The following MED13L variants were observed in gnomAD, a reference collection of about 807,000 sequenced individuals.
The protein encoded by MED13L is mediator of RNA polymerase II transcription subunit 13-like.
In MED13L, 7 loss-of-function variants were observed where a neutral mutation model predicts 220.9. The observed-to-expected ratio is 0.03, with a 90% confidence interval of 0.02 to 0.06. The LOEUF (loss-of-function observed/expected upper bound fraction) is 0.06, where lower values mean the gene tolerates loss of function less well. Among genes scored for constraint, MED13L ranks in the 10% least tolerant of loss-of-function variants. The pLI is 1.00. For synonymous variants in MED13L, 1,011 were observed against 1,015.2 expected, an observed-to-expected ratio of 1.00 and a Z score of 0.08; for missense variants, 1,965 against 2,760.5, an observed-to-expected ratio of 0.71 and a Z score of 6.46.
intron 23 of MED13L, among the ~76,000 whole-genome samples, chr12:115,980,150 A>G (rs762153125): frequency 3.3e-5 from 5 of 152,208 alleles, no homozygotes; most frequent in Non-Finnish European, 5.9e-5. Flanking sequence ...GCTTAGAAAA[A>G]TAAAGAAAAT....
chr12:115,982,697 C>A, intron 21 of MED13L, 94 bp from the exon 22 acceptor site: 1 of 1,088,584 alleles, frequency 9.2e-7, no homozygotes, highest in Non-Finnish European at 1.4e-6. Flanking sequence ...ACACAGGCTC[C>A]CTAAAGAATG....
chr12:116,243,007 G>A (rs1347453736), intron 1 of MED13L, among the ~76,000 whole-genome samples: 1 of 152,168 alleles, frequency 6.6e-6, no homozygotes, highest in African/African-American at 2.4e-5. Flanking sequence ...TCTTTCTTTA[G>A]TCTTCCTGAG....
chr12:116,254,634 C>T (rs904302178), intron 1 of MED13L, among the ~76,000 whole-genome samples: 1 of 151,790 alleles, frequency 6.6e-6, no homozygotes, highest in African/African-American at 2.4e-5. Context: ...ACCTGTAATC[C>T]CAGCTACCAT....
intron 1 of MED13L, among the ~76,000 whole-genome samples, chr12:116,252,785 G>C (rs1018115664): frequency 4.6e-5 from 7 of 151,900 alleles, no homozygotes; most frequent in Non-Finnish European, 7.4e-5. Flanking sequence ...GGAAAGAACA[G>C]ACACACTACC....
At chr12:116,136,497 C>T (rs1360174354) in intron 2 of MED13L, among the ~76,000 whole-genome samples, 1 of 151,946 alleles carries the variant, frequency 6.6e-6, no homozygotes, top group East Asian at 1.9e-4. Context: ...GCATTCACGC[C>T]AAATGAAGCC....
intron 4 of MED13L, among the ~76,000 whole-genome samples, chr12:116,075,669 A>G (rs7962136): frequency 0.13 from 19,910 of 152,164 alleles, 1,723 homozygotes; most frequent in Non-Finnish European, 0.19. Flanking sequence ...TGCCATTTCA[A>G]TTTGTCTTTG....
At chr12:116,230,408 TA>T in intron 2 of MED13L, 39 of 866,896 alleles carry the variant, frequency 4.5e-5, no homozygotes, top group Non-Finnish European at 5.0e-5. Context: ...TCAACAACAA[TA>T]AAAAAAAGTA....
At chr12:116,110,090 AT>A (rs1873949948) in intron 3 of MED13L, 2 of 152,306 alleles carry the variant, frequency 1.3e-5, no homozygotes, top group Admixed American at 1.3e-4. Context: ...AGTTTTTCTC[AT>A]ACAAGCTCTT....
At chr12:116,184,874 T>C (rs1880772330) in intron 2 of MED13L, among the ~76,000 whole-genome samples, 1 of 152,214 alleles carries the variant, frequency 6.6e-6, no homozygotes. Context: ...CAAATATTTA[T>C]GACCTATGCC....
intron 1 of MED13L, among the ~76,000 whole-genome samples, chr12:116,253,743 G>GGTTTTTTTC (rs1565951335): frequency 1.4e-5 from 2 of 140,488 alleles, no homozygotes; most frequent in African/African-American, 5.4e-5. Flanking sequence ...CCACCTTCAC[G>GGTTTTTTTC]GTTTTTTTTG....
At chr12:116,208,202 C>A (rs1319943578) in intron 2 of MED13L, among the ~76,000 whole-genome samples, 1 of 152,154 alleles carries the variant, frequency 6.6e-6, no homozygotes, top group African/African-American at 2.4e-5. Context: ...TGAGACCAGC[C>A]TGGCTAACAC....
At chr12:116,006,247 T>C in intron 12 of MED13L, 59 bp downstream of exon 12, 2 of 1,447,542 alleles carry the variant, frequency 1.4e-6, no homozygotes, top group Admixed American at 3.4e-5. Context: ...TTGAGAAGCA[T>C]CTCCTTTGCA....
chr12:115,964,045 C>A (rs1875963356), intron 29 of MED13L, among the ~76,000 whole-genome samples: 1 of 152,032 alleles, frequency 6.6e-6, no homozygotes, highest in African/African-American at 2.4e-5. Flanking sequence ...TGTGATTGCA[C>A]CACTGTGCTC....
At chr12:116,125,298 C>T (rs571849961) in intron 2 of MED13L, among the ~76,000 whole-genome samples, 72 of 152,236 alleles carry the variant, frequency 4.7e-4, no homozygotes, top group Admixed American at 2.0e-3. Flanking sequence ...AGTGTGATCC[C>T]ATCTCAATCA....
At chr12:116,276,512 C>A (rs1341110092) in intron 1 of MED13L, 3 of 1,284,888 alleles carry the variant, frequency 2.3e-6, no homozygotes, top group Admixed American at 2.4e-5. Context: ...TGTTTACAAT[C>A]GCGGGAGCTT....
intron 4 of MED13L, among the ~76,000 whole-genome samples, chr12:116,086,975 T>A (rs895512901): frequency 6.6e-6 from 1 of 152,166 alleles, no homozygotes; most frequent in South Asian, 2.1e-4. Flanking sequence ...GTATACGATA[T>A]GACATTTCTT....
At chr12:116,020,279 C>T (rs1879982341) in intron 5 of MED13L, among the ~76,000 whole-genome samples, 1 of 148,796 alleles carries the variant, frequency 6.7e-6, no homozygotes, top group South Asian at 2.1e-4. Context: ...TTATACACCT[C>T]TCACCTCCCA....
At chr12:116,237,383 C>T in intron 2 of MED13L, 85 bp downstream of exon 2, 1 of 1,091,162 alleles carries the variant, frequency 9.2e-7, no homozygotes, top group South Asian at 1.3e-5. Flanking sequence ...TTCTTTTAGA[C>T]AAGTCTTAAT....
rs193190109 is a variant in MED13L at position 116,036,152 on chromosome 12, A to C, written c.480-13551T>G. On this transcript the variant is annotated intron_variant, in intron 4 of 30. Transcript: ENST00000281928. ...TGGCACACAAAACCTAATATTCACCAGATAGATGAATGCAGTTTCAGTCAT... is the reference window on the plus strand; with the variant it reads ...TGGCACACAAAACCTAATATTCACCCGATAGATGAATGCAGTTTCAGTCAT... Among the ~76,000 whole-genome samples, 181 of 152,338 alleles carry C rather than the reference A, an allele frequency of 1.2e-3. 1 individual carries two copies. Among genetic ancestry groups the C allele is most frequent in the African/African-American group, 4.2e-3 (173 of 41,572 alleles).
Sources: gnomAD v4.1 joint callset for allele counts (sites outside exome capture counted in the v4.1 genomes callset) on GRCh38, gnomAD v4.1.1 for gene constraint, MANE v1.5 for transcripts, NCBI Gene and HGNC (gene_info 2026-07-23, HGNC 2026-07-21) for gene names.